The following SERPINA5 variants were observed in gnomAD, a reference collection of about 807,000 sequenced individuals.
SERPINA5 encodes the protein serpin family A member 5, also known as plasma serine protease inhibitor.
Under a neutral mutation model 25.3 loss-of-function variants are expected in SERPINA5, and 25 were observed. The ratio of observed to expected loss-of-function variants is 0.99; its 90% CI spans 0.72 to 1.38. The LOEUF is 1.38. Among genes scored for constraint, SERPINA5 ranks in the 40% most tolerant of loss-of-function variants. The pLI is 0.00. For missense variants in SERPINA5, 599 were observed against 509.5 expected (o/e 1.18, Z -1.69); for synonymous variants, 234 against 206.2 (o/e 1.14, Z -1.16).
intron 2 of SERPINA5, among the ~76,000 whole-genome samples, chr14:94,585,597 C>A (rs1885047892): frequency 3.9e-5 from 6 of 152,152 alleles, no homozygotes. Context: ...TGACAGGCTG[C>A]CCCTGCCTGG....
At chr14:94,584,751 T>C (rs1885021558) in intron 2 of SERPINA5, among the ~76,000 whole-genome samples, 1 of 152,208 alleles carries the variant, frequency 6.6e-6, no homozygotes, top group Non-Finnish European at 1.5e-5. Context: ...CTTCTGAAGC[T>C]GTTCTCGAAA....
At position 94,585,681 on chromosome 14, in the gene SERPINA5, C is replaced by G. The variant is rs1019412589; in HGVS notation, c.-17-1665C>G. Reference sequence around the variant, plus strand: ...CAGAAAGGGATTCCCTCCAAGGCGACACACAGGGCAAAGCTCACATCAGAA... The same window carrying G: ...CAGAAAGGGATTCCCTCCAAGGCGAGACACAGGGCAAAGCTCACATCAGAA... On this transcript the variant is annotated intron_variant, in intron 2 of 5. Transcript: ENST00000329597. Among the ~76,000 whole-genome samples the G allele has an allele frequency of 3.3e-5, 5 of 152,234 alleles. No homozygotes were observed. In the East Asian group the frequency reaches 9.7e-4, roughly 29 times the overall value.
rs770959013 is a variant in SERPINA5, at chr14:94,592,083, G to A, written c.1065G>A (p.Val355=). 1.2e-6 allele frequency: 2 copies of A among 1,613,594 alleles called. No individual in the cohort carries two copies. The highest frequency in any genetic ancestry group is 1.7e-6 in the Non-Finnish European group (2 of 1,179,712). ...TGGTGCACAAAGCTGTGGTGGAGGT[G>A]GACGAGTCGGGAACCAGAGCAGCGG... ...SEMVHKAVVE[V]DESGTRAAAA... is the part of the protein sequence containing the mutation. The change falls in exon 6 of 6, where the codon GTG becomes GTA. Residue 355 remains valine (V), a synonymous_variant. Transcript: ENST00000329597.
rs1566837381 is a variant in SERPINA5, at chr14:94,587,480, GT to G, written c.119del (p.Val40GlyfsTer31). ...RVEDLHVGAT[V>X]APSSRRDFTF... ...CGAGGACCTCCATGTAGGTGCCACG[GT>G]GGCCCCCAGCAGCAGAAGGGACTTT... On this transcript the variant is annotated frameshift_variant, in exon 3 of 6. Coordinates refer to ENST00000329597, the MANE Select transcript of SERPINA5 (RefSeq NM_000624.6). LOFTEE classifies it high-confidence loss of function. The G allele has an allele frequency of 6.2e-7, 1 of 1,614,196 alleles. No individual in the cohort carries two copies. Among genetic ancestry groups the G allele is most frequent in the African/African-American group, 1.3e-5 (1 of 75,050 alleles).
intron 2 of SERPINA5, among the ~76,000 whole-genome samples, chr14:94,585,812 G>A (rs1342265620): frequency 5.1e-5 from 7 of 136,704 alleles, no homozygotes; most frequent in Non-Finnish European, 1.6e-5. Flanking sequence ...TGTAAAGCAT[G>A]TACCCTATGG....
intron 5 of SERPINA5, 58 bp from the exon 6 acceptor site, chr14:94,591,999 G>A: frequency 6.4e-7 from 1 of 1,556,040 alleles, no homozygotes; most frequent in Non-Finnish European, 8.7e-7. Flanking sequence ...TTTGCCATTT[G>A]CTATGATGAC....
chr14:94,591,579 A>ATTCTATTCTATTCTATTCTATTC (rs1566839361), intron 5 of SERPINA5, among the ~76,000 whole-genome samples: 6 of 149,760 alleles, frequency 4.0e-5, no homozygotes, highest in African/African-American at 1.2e-4. Flanking sequence ...ATTCTATTCT[A>ATTCTATTCTATTCTATTCTATTC]TTCTATTCTA....
In SERPINA5 at chr14:94,592,433, G is replaced by A. The variant is rs1885337402; in HGVS notation, c.*194G>A. The A allele has an allele frequency of 3.5e-6, 2 of 568,918 alleles. No homozygotes were observed. The highest frequency in any genetic ancestry group is 1.9e-5 in the African/African-American group (1 of 53,324). 35.2% of individuals were successfully genotyped at this position (568,918 alleles called of 1,614,324 possible). On this transcript the variant is annotated 3_prime_UTR_variant, in exon 6 of 6. Transcript: ENST00000329597. ...CATACAGGTGCCTTGGGGAAATGTG[G>A]AGAACATTCAATCTTGCCGTCACTA... is the stretch of plus-strand genomic sequence containing the variant.
At position 94,590,846 on chromosome 14, in the gene SERPINA5, C is replaced by T. The variant is rs1199727050; in HGVS notation, c.988C>T (p.His330Tyr). 1.9e-6 allele frequency: 3 copies of T among 1,613,982 alleles called. No homozygotes were observed. The highest frequency in any genetic ancestry group is 3.3e-4 in the Middle Eastern group (2 of 6,082). Residue 330 changes from histidine (H) to tyrosine (Y), a missense_variant, in exon 5 of 6, where the codon CAT becomes TAT. His to Tyr is a moderately conservative substitution (Grantham distance 83). Transcript: ENST00000329597. Reference protein sequence around the residue: ...SLGISNVFTSHADLSGISNHS... With the variant: ...SLGISNVFTSYADLSGISNHS... The stretch of plus-strand genomic sequence containing the variant: ...GGGGATCAGTAACGTCTTCACCTCC[C>T]ATGCTGATCTGTCCGGCATCAGCAA...
intron 4 of SERPINA5, 111 bp downstream of exon 4, chr14:94,590,422 G>A: frequency 1.5e-6 from 2 of 1,348,318 alleles, no homozygotes; most frequent in East Asian, 4.8e-5. Flanking sequence ...CAGCCAAGGA[G>A]CTGCCTCCAG....
At chr14:94,590,345 C>T in intron 4 of SERPINA5, 34 bp downstream of exon 4, 2 of 1,555,306 alleles carry the variant, frequency 1.3e-6, no homozygotes. Flanking sequence ...CAGCCTAAAC[C>T]CACACAGCCC....
Position 94,592,090 on chromosome 14 carries a change from T to C in SERPINA5, c.1072T>C (p.Ser358Pro), listed in dbSNP as rs755281571. 4.9e-5 allele frequency: 79 copies of C among 1,613,600 alleles called. No homozygotes were observed. Among genetic ancestry groups the C allele is most frequent in the Non-Finnish European group, 6.5e-5 (77 of 1,179,832 alleles). ...VHKAVVEVDE[S>P]GTRAAAATGT... is the part of the protein sequence containing the mutation. ...CAAAGCTGTGGTGGAGGTGGACGAG[T>C]CGGGAACCAGAGCAGCGGCAGCCAC... The change falls in exon 6 of 6, where the codon TCG (serine) becomes CCG (proline). Residue 358 changes from serine (S) to proline (P), a missense_variant. Transcript: ENST00000329597.
At chr14:94,585,796 T>TGTGCGC (rs1555384394) in intron 2 of SERPINA5, among the ~76,000 whole-genome samples, 1 of 132,580 alleles carries the variant, frequency 7.5e-6, no homozygotes, top group South Asian at 2.5e-4. Context: ...TGTGTGTGTG[T>TGTGCGC]GTGTGTGTAA....
chr14:94,583,994 G>A (rs1298067974), intron 2 of SERPINA5, among the ~76,000 whole-genome samples: 1 of 152,200 alleles, frequency 6.6e-6, no homozygotes, highest in Non-Finnish European at 1.5e-5. Context: ...TGCCTCTTGA[G>A]TGACCTCTCT....
chr14:94,591,358 A>C, intron 5 of SERPINA5, among the ~76,000 whole-genome samples: 7 of 105,008 alleles, frequency 6.7e-5, no homozygotes, highest in African/African-American at 1.2e-4. Flanking sequence ...CCACTCTTCC[A>C]CTCCACTCCA....
At chr14:94,590,455 C>A in intron 4 of SERPINA5, 144 bp downstream of exon 4, 1 of 1,098,734 alleles carries the variant, frequency 9.1e-7, no homozygotes, top group Non-Finnish European at 1.3e-6. Flanking sequence ...CCTGTGACAT[C>A]CAAGTCCTGG....
At chr14:94,590,593 G>A (rs995254547) in intron 4 of SERPINA5, 156 bp from the exon 5 acceptor site, 31 of 914,700 alleles carry the variant, frequency 3.4e-5, no homozygotes, top group African/African-American at 2.5e-4. Context: ...CTAGAAAAGA[G>A]GCCAGAGGAG....
intron 2 of SERPINA5, among the ~76,000 whole-genome samples, chr14:94,583,480 A>G (rs936996993): frequency 7.2e-5 from 11 of 152,150 alleles, no homozygotes; most frequent in African/African-American, 2.7e-4. Flanking sequence ...GGAAGCTGTG[A>G]CTTTGTCTCT....
chr14:94,584,074 G>T (rs1461027302), intron 2 of SERPINA5, among the ~76,000 whole-genome samples: 1 of 152,180 alleles, frequency 6.6e-6, no homozygotes, highest in Non-Finnish European at 1.5e-5. Flanking sequence ...AAGTATAAAT[G>T]AGCTAATACA....
Sources: gnomAD v4.1 joint callset for allele counts (sites outside exome capture counted in the v4.1 genomes callset) on GRCh38, gnomAD v4.1.1 for gene constraint, MANE v1.5 for transcripts, NCBI Gene and HGNC (gene_info 2026-07-23, HGNC 2026-07-21) for gene names.